Variants in ICA1L observed in about 807,000 individuals in gnomAD.
The protein encoded by ICA1L is islet cell autoantigen 1-like protein.
A neutral mutation model predicts 61.3 loss-of-function variants in ICA1L; 50 were observed. The observed-to-expected ratio is 0.82, with a 90% CI of 0.65 to 1.03. The LOEUF (loss-of-function observed/expected upper bound fraction) is 1.03, where lower values mean the gene tolerates loss of function less well. Among genes scored for constraint, ICA1L ranks in the 50% least tolerant of loss-of-function variants. The pLI is 0.00. For synonymous variants in ICA1L, 161 were observed against 191.3 expected (o/e 0.84, Z 1.31); for missense variants, 508 against 556.7 (o/e 0.91, Z 0.88).
chr2:202,812,300 C>T lies in ICA1L; in HGVS notation c.867-511G>A, dbSNP rs184118772. Among the ~76,000 whole-genome samples the T allele has an allele frequency of 1.3e-3, 195 of 152,238 alleles. 2 individuals are homozygous for T. The highest frequency in any genetic ancestry group is 0.012 in the Admixed American group (182 of 15,292). On this transcript the variant is annotated intron_variant, in intron 8 of 12. Transcript: ENST00000358299. ...AAAAGTTAAGACAAAGAAATAGGGC[C>T]GGGTGTGGTGGCTCACGCCTGTAAT...
chr2:202,782,187 A>C (rs1330527262), intron 12 of ICA1L, among the ~76,000 whole-genome samples: 1 of 151,930 alleles, frequency 6.6e-6, no homozygotes, highest in Non-Finnish European at 1.5e-5. Flanking sequence ...CCCTACCAAA[A>C]AATACAAAAA....
chr2:202,861,807 C>A (rs1042222402), intron 1 of ICA1L, among the ~76,000 whole-genome samples: 1 of 150,610 alleles, frequency 6.6e-6, no homozygotes, highest in East Asian at 1.9e-4. Context: ...ATCACTTGAA[C>A]CCAGGATACA....
At chr2:202,783,295 T>TA (rs1303438530) in intron 12 of ICA1L, among the ~76,000 whole-genome samples, 1 of 152,150 alleles carries the variant, frequency 6.6e-6, no homozygotes, top group Non-Finnish European at 1.5e-5. Context: ...ACAAGATACT[T>TA]ACGAATTACA....
At chr2:202,833,970 G>GAGT (rs1694080074) in intron 1 of ICA1L, among the ~76,000 whole-genome samples, 1 of 152,142 alleles carries the variant, frequency 6.6e-6, no homozygotes, top group Admixed American at 6.6e-5. Context: ...CAGTTAGGAG[G>GAGT]AGTAAGTTCT....
chr2:202,831,248 C>A (rs1247010042), intron 1 of ICA1L, among the ~76,000 whole-genome samples: 2 of 152,120 alleles, frequency 1.3e-5, no homozygotes, highest in Admixed American at 1.3e-4. Context: ...TGAATAATTT[C>A]TCTGGACATA....
intron 1 of ICA1L, among the ~76,000 whole-genome samples, chr2:202,853,235 T>C (rs1378706189): frequency 6.6e-6 from 1 of 151,330 alleles, no homozygotes; most frequent in Non-Finnish European, 1.5e-5. Context: ...CGGGCACCTG[T>C]AGTCCCAGCT....
chr2:202,800,820 A>G (rs1693068644), intron 9 of ICA1L, among the ~76,000 whole-genome samples: 1 of 152,298 alleles, frequency 6.6e-6, no homozygotes, highest in Non-Finnish European at 1.5e-5. Context: ...AAAGGTAAAA[A>G]CAACCAAAGT....
At chr2:202,816,736 G>A (rs1465905858) in intron 6 of ICA1L, among the ~76,000 whole-genome samples, 1 of 152,128 alleles carries the variant, frequency 6.6e-6, no homozygotes, top group Non-Finnish European at 1.5e-5. Flanking sequence ...ATTTCCTGTA[G>A]TTTATTACTC....
intron 1 of ICA1L, among the ~76,000 whole-genome samples, chr2:202,859,250 T>C (rs1424608734): frequency 1.3e-5 from 2 of 152,220 alleles, no homozygotes; most frequent in South Asian, 2.1e-4. Flanking sequence ...CATTAGATTA[T>C]AATTGAATTC....
intron 9 of ICA1L, among the ~76,000 whole-genome samples, chr2:202,808,737 C>G (rs970202558): frequency 6.6e-6 from 1 of 152,160 alleles, no homozygotes; most frequent in Admixed American, 6.5e-5. Flanking sequence ...CTGGGTAATA[C>G]AGGGAATTCT....
At chr2:202,840,499 C>A in intron 1 of ICA1L, 1 of 527,080 alleles carries the variant, frequency 1.9e-6, no homozygotes, top group East Asian at 4.9e-5. Context: ...TTGTGAGACC[C>A]TCATAGGCCG....
At position 202,776,065 on chromosome 2, in the gene ICA1L, A is replaced by G. The variant is rs964734072; in HGVS notation, c.*3468T>C. 2.0e-5 allele frequency: 3 copies of G among 152,248 alleles called. No homozygotes were observed. Among genetic ancestry groups the G allele is most frequent in the Admixed American group, 2.0e-4 (3 of 15,284 alleles). 9.4% of individuals were successfully genotyped at this position (152,248 alleles called of 1,614,324 possible). A position where few individuals can be genotyped will look rare whatever the true frequency, so the allele number is the denominator to read the frequency against. On this transcript the variant is annotated 3_prime_UTR_variant, in exon 13 of 13. Transcript: ENST00000358299. Reference sequence around the variant, plus strand: ...TTCGTTCTAATGCTGTAAGACCTCTACATTTCTAGATGGTCTATACAGATA... The same window carrying G: ...TTCGTTCTAATGCTGTAAGACCTCTGCATTTCTAGATGGTCTATACAGATA...
intron 1 of ICA1L, among the ~76,000 whole-genome samples, chr2:202,864,756 C>T (rs754543728): frequency 3.3e-5 from 5 of 152,256 alleles, no homozygotes; most frequent in East Asian, 3.9e-4. Context: ...CGGTGGCTCA[C>T]GCCAGTAATC....
intron 1 of ICA1L, among the ~76,000 whole-genome samples, chr2:202,856,638 A>G (rs1428776869): frequency 6.6e-6 from 1 of 152,188 alleles, no homozygotes; most frequent in Non-Finnish European, 1.5e-5. Flanking sequence ...CAGGGCAATC[A>G]GGCAAGAGAA....
intron 1 of ICA1L, among the ~76,000 whole-genome samples, chr2:202,855,319 A>AGTC (rs993530604): frequency 7.2e-5 from 11 of 152,198 alleles, no homozygotes; most frequent in African/African-American, 2.7e-4. Context: ...TGAAGGAGAG[A>AGTC]GAGACATGAA....
At chr2:202,807,385 A>G (rs1369525864) in intron 9 of ICA1L, among the ~76,000 whole-genome samples, 2 of 152,238 alleles carry the variant, frequency 1.3e-5, no homozygotes, top group Non-Finnish European at 2.9e-5. Flanking sequence ...AACATGGGGC[A>G]GAATTCAGCC....
Position 202,779,618 on chromosome 2 carries a change from G to C in ICA1L, c.1364C>G (p.Ala455Gly). The C allele has an allele frequency of 6.2e-7, 1 of 1,612,456 alleles. No individual in the cohort carries two copies. The highest frequency in any genetic ancestry group is 8.5e-7 in the Non-Finnish European group (1 of 1,179,408). Residue 455 changes from alanine to glycine, a missense_variant, in exon 13 of 13, where the codon GCC becomes GGC. Ala to Gly is a moderately conservative substitution (Grantham distance 60). Coordinates refer to ENST00000358299, the MANE Select transcript of ICA1L (RefSeq NM_001288622.3). The stretch of plus-strand genomic sequence containing the variant: ...CAAGTCTGCAAACAGATTGAACCAG[G>C]CTGACATGTCTTGGTTGCCATTGTT... The part of the protein sequence containing the change: ...SPNNGNQDMS[A>G]WFNLFADLDP...
chr2:202,819,050 C>G (rs1172006855), intron 5 of ICA1L, among the ~76,000 whole-genome samples: 1 of 152,182 alleles, frequency 6.6e-6, no homozygotes, highest in Non-Finnish European at 1.5e-5. Context: ...TATTCACCTA[C>G]TTCATAGGGC....
Position 202,778,749 on chromosome 2 carries a change from A to T in ICA1L, c.*784T>A, listed in dbSNP as rs1406900946. ...AGTGTATGAAAAAGTGGGTCTGAAG[A>T]CACTTGTACAAGCCTTAAGTATTAC... On this transcript the variant is annotated 3_prime_UTR_variant, in exon 13 of 13. Transcript: ENST00000358299. The T allele has an allele frequency of 6.6e-6, 1 of 152,614 alleles. No homozygotes were observed. The allele number at this position is 152,614 out of a possible 1,614,324, so 9.5% of individuals were successfully genotyped here. A position where few individuals can be genotyped will look rare whatever the true frequency, so the allele number is the denominator to read the frequency against.
Sources: allele counts gnomAD v4.1 joint callset (sites outside exome capture counted in the v4.1 genomes callset), GRCh38; gene constraint gnomAD v4.1.1; transcripts MANE v1.5; gene names NCBI Gene and HGNC (gene_info 2026-07-23, HGNC 2026-07-21).